BCAS3: variants seen among roughly 807,000 people sequenced by gnomAD.
The protein encoded by BCAS3 is BCAS3 microtubule associated cell migration factor.
In BCAS3, 53 loss-of-function variants were observed where a neutral mutation model predicts 116.1. That is an observed-to-expected ratio of 0.46 (90% CI 0.37 to 0.57). The LOEUF (loss-of-function observed/expected upper bound fraction) is 0.57. Ranked by LOEUF, BCAS3 falls within the 20% of genes least tolerant of loss-of-function variation. The pLI is 0.00. For synonymous variants in BCAS3, 391 were observed against 408.2 expected, an observed-to-expected ratio of 0.96 and a Z score of 0.51; for missense variants, 917 against 1,165.4, an observed-to-expected ratio of 0.79 and a Z score of 3.10.
rs2057934451 is a variant in BCAS3 at position 61,352,929 on chromosome 17, G to A, written c.2426-15398G>A. 6.6e-6 allele frequency among the ~76,000 whole-genome samples: 1 copy of A among 152,200 alleles called. No homozygotes were observed. The highest frequency in any genetic ancestry group is 1.5e-5 in the Non-Finnish European group (1 of 68,046). On this transcript the variant is annotated intron_variant, in intron 22 of 23. Transcript: ENST00000407086. The surrounding 1 kb of genome is among the most constrained non-coding windows in gnomAD (Gnocchi z 4.7). Reference sequence around the variant, plus strand: ...TTTCTCTTGTTTGCTTTAATGGAGTGTTAACCCCCGTCGCTGGAACTCATG... The same window carrying A: ...TTTCTCTTGTTTGCTTTAATGGAGTATTAACCCCCGTCGCTGGAACTCATG...
At position 61,340,369 on chromosome 17, in the gene BCAS3, C is replaced by G. The variant is rs531069145; in HGVS notation, c.2426-27958C>G. 5.3e-5 allele frequency among the ~76,000 whole-genome samples: 8 copies of G among 152,098 alleles called. No homozygotes were observed. The East Asian group carries it at 1.5e-3, about 29-fold the overall frequency. On this transcript the variant is annotated intron_variant, in intron 22 of 23. Transcript: ENST00000407086. ...GATTCCAGGACAGGACTTTAAATAC[C>G]TTTCTGATGGCTTCCATTTTCTCGA... is the stretch of plus-strand genomic sequence containing the variant.
chr17:60,789,465 T>G (rs768368255), intron 6 of BCAS3, among the ~76,000 whole-genome samples: 2 of 152,158 alleles, frequency 1.3e-5, no homozygotes, highest in South Asian at 2.1e-4. Context: ...ATTGTGCGAT[T>G]TATTAGGATT....
chr17:61,157,126 A>T (rs973892483), intron 22 of BCAS3, among the ~76,000 whole-genome samples: 10 of 152,172 alleles, frequency 6.6e-5, no homozygotes, highest in African/African-American at 2.4e-4. Context: ...TTGCTTTCCC[A>T]GTGCATCTGG....
At position 61,261,394 on chromosome 17, in the gene BCAS3, G is replaced by C. The variant is rs564265148; in HGVS notation, c.2426-106933G>C. Among the ~76,000 whole-genome samples the C allele has an allele frequency of 6.6e-6, 1 of 152,224 alleles. No homozygotes were observed. Among genetic ancestry groups the C allele is most frequent in the African/African-American group, 2.4e-5 (1 of 41,532 alleles). ...CCCTGACCCTTTATAAGTCAGCCTT[G>C]CTTGATTACTCCTTTTAATTCAAGG... On this transcript the variant is annotated intron_variant, in intron 22 of 23. Transcript: ENST00000407086. This position sits in a 1 kb window ranked among gnomAD's most constrained non-coding sequence, Gnocchi z 4.4.
chr17:61,070,399 ATC>A (rs1491373883), intron 19 of BCAS3: 3 of 186,482 alleles, frequency 1.6e-5, no homozygotes, highest in Non-Finnish European at 2.0e-5. Context: ...ATATATATAT[ATC>A]TTTTCACCAT....
chr17:61,153,387 C>A (rs781206924), intron 22 of BCAS3, among the ~76,000 whole-genome samples: 1 of 152,168 alleles, frequency 6.6e-6, no homozygotes, highest in Non-Finnish European at 1.5e-5. Flanking sequence ...TCTTGGTTCA[C>A]GTCTAGGCAA....
intron 15 of BCAS3, among the ~76,000 whole-genome samples, chr17:61,003,025 A>G (rs944520557): frequency 2.0e-5 from 3 of 148,914 alleles, no homozygotes; most frequent in South Asian, 4.4e-4. Flanking sequence ...TATCCTCCCC[A>G]CTCTCGGGTG....
chr17:61,347,331 C>T lies in BCAS3; in HGVS notation c.2426-20996C>T, dbSNP rs1166408079. On this transcript the variant is annotated intron_variant, in intron 22 of 23. Coordinates refer to ENST00000407086, the MANE Select transcript of BCAS3 (RefSeq NM_017679.5). The surrounding 1 kb of genome is among the most constrained non-coding windows in gnomAD (Gnocchi z 4.3). ...TGCTGACCTCAGGTGATCCACCCAC[C>T]TCAGCCTCCCAAAGTGCTGGGATTA... 6.6e-6 allele frequency among the ~76,000 whole-genome samples: 1 copy of T among 152,232 alleles called. No individual in the cohort carries two copies. The highest frequency in any genetic ancestry group is 2.1e-4 in the South Asian group (1 of 4,834).
rs2055420547 is a variant in BCAS3 at position 60,874,605 on chromosome 17, T to TA, written c.585-56dup. On this transcript the variant is annotated intron_variant, in intron 8 of 23. Transcript: ENST00000407086. ...GATATAATGCATTTCTGATTCCACT[T>TA]ACAGAATTTCACATTCACTTTTTTT... 5 of 1,254,638 alleles carry TA rather than the reference T, an allele frequency of 4.0e-6. No homozygotes were observed. In the Admixed American group the frequency reaches 9.0e-5, roughly 23 times the overall value. The allele number at this position is 1,254,638 out of a possible 1,614,324, so 77.7% of individuals were successfully genotyped here.
chr17:60,698,707 A>G (rs1403309802), intron 4 of BCAS3, among the ~76,000 whole-genome samples: 1 of 152,170 alleles, frequency 6.6e-6, no homozygotes, highest in African/African-American at 2.4e-5. Flanking sequence ...TGAGTAAAGT[A>G]TACCTAACTT....
chr17:60,936,420 T>C (rs2059929473), intron 13 of BCAS3, among the ~76,000 whole-genome samples: 1 of 152,168 alleles, frequency 6.6e-6, no homozygotes, highest in Admixed American at 6.5e-5. Context: ...TCTAGATCCC[T>C]GAGGAATCGC....
At chr17:60,968,291 C>T (rs916124903) in intron 14 of BCAS3, among the ~76,000 whole-genome samples, 17 of 152,108 alleles carry the variant, frequency 1.1e-4, no homozygotes, top group African/African-American at 3.9e-4. Context: ...TCATTGCTCA[C>T]TGTAATCTTG....
At chr17:60,810,463 A>T (rs1034555576) in intron 7 of BCAS3, 4 of 652,834 alleles carry the variant, frequency 6.1e-6, no homozygotes, top group African/African-American at 5.4e-5. Context: ...CAGAGCAAGG[A>T]GCGTGGAGAC....
At chr17:61,096,691 T>G (rs1406321862) in intron 22 of BCAS3, among the ~76,000 whole-genome samples, 1 of 152,248 alleles carries the variant, frequency 6.6e-6, no homozygotes, top group African/African-American at 2.4e-5. Flanking sequence ...TTTTTAATCT[T>G]TATCTTTCTC....
chr17:61,174,637 CA>C (rs1339920987), intron 22 of BCAS3, among the ~76,000 whole-genome samples: 1 of 152,208 alleles, frequency 6.6e-6, no homozygotes, highest in Non-Finnish European at 1.5e-5. Context: ...GATATCTCTT[CA>C]ACACACTAAT....
chr17:61,010,849 A>G (rs1005824723), intron 15 of BCAS3, among the ~76,000 whole-genome samples: 3 of 152,076 alleles, frequency 2.0e-5, no homozygotes, highest in African/African-American at 7.2e-5. Flanking sequence ...ATAAAGACCC[A>G]AAAGCCTGAG....
rs200888496 is a variant in BCAS3, at chr17:61,276,315, TG to T, written c.2426-92011del. Among the ~76,000 whole-genome samples, 780 of 152,234 alleles carry T rather than the reference TG, an allele frequency of 5.1e-3. 5 individuals are homozygous for T. The highest frequency in any genetic ancestry group is 0.017 in the African/African-American group (717 of 41,528). On this transcript the variant is annotated intron_variant, in intron 22 of 23. Transcript: ENST00000407086. The surrounding 1 kb of genome is among the most constrained non-coding windows in gnomAD (Gnocchi z 4.2). ...TTGCAGTGAGCCAAGATCATGCCAT[TG>T]CACTCCAGCCTGGGCTACAGGACGA...
At chr17:60,988,155 C>A (rs555057106) in intron 14 of BCAS3, among the ~76,000 whole-genome samples, 2 of 151,036 alleles carry the variant, frequency 1.3e-5, no homozygotes, top group South Asian at 4.2e-4. Context: ...ACTGTCCTTG[C>A]ATACCTGGGA....
intron 5 of BCAS3, among the ~76,000 whole-genome samples, chr17:60,730,815 G>A (rs2040385390): frequency 6.6e-6 from 1 of 152,126 alleles, no homozygotes; most frequent in East Asian, 1.9e-4. Flanking sequence ...CTTTGGGCTG[G>A]TTATTTTTGG....
Sources: gnomAD v4.1 joint callset for allele counts (sites outside exome capture counted in the v4.1 genomes callset) on GRCh38, gnomAD v4.1.1 for gene constraint, Gnocchi (gnomAD v3.1) non-coding constraint, MANE v1.5 for transcripts, NCBI Gene and HGNC (gene_info 2026-07-23, HGNC 2026-07-21) for gene names.